SLC35F4: variants seen among roughly 807,000 people sequenced by gnomAD.
SLC35F4 encodes chromosome 14 open reading frame 36.
In SLC35F4, 24 loss-of-function variants were observed where a neutral mutation model predicts 44.2. That is an observed-to-expected ratio of 0.54 (90% CI 0.39 to 0.76). The LOEUF is 0.76. SLC35F4 is among the 30% of genes least tolerant of loss of function. The probability of loss-of-function intolerance (pLI) is 0.00; values close to 1 mark genes in which losing one functional copy is unlikely to be tolerated. For synonymous variants in SLC35F4, 238 were observed against 223.6 expected (o/e 1.06, Z -0.57); for missense variants, 562 against 586.1 (o/e 0.96, Z 0.42).
intron 1 of SLC35F4, among the ~76,000 whole-genome samples, chr14:57,797,405 G>T (rs966907203): frequency 1.3e-5 from 2 of 152,164 alleles, no homozygotes; most frequent in African/African-American, 2.4e-5. Context: ...GGACAGCTGG[G>T]TCAAAAGGGA....
chr14:57,702,638 T>A (rs1236376762), intron 1 of SLC35F4, among the ~76,000 whole-genome samples: 2 of 152,148 alleles, frequency 1.3e-5, no homozygotes, highest in African/African-American at 4.8e-5. Context: ...CAACTCCACC[T>A]CTAATTTAAA....
intron 4 of SLC35F4, among the ~76,000 whole-genome samples, chr14:57,576,586 ACTTT>A (rs1213446741): frequency 1.1e-4 from 16 of 152,144 alleles, no homozygotes; most frequent in Non-Finnish European, 1.9e-4. Context: ...TCTATGGAAA[ACTTT>A]CTTTTTTACT....
intron 1 of SLC35F4, among the ~76,000 whole-genome samples, chr14:57,885,885 T>C (rs1441514437): frequency 6.6e-6 from 1 of 152,230 alleles, no homozygotes. Flanking sequence ...TCCCAGATCA[T>C]GCTGGATATT....
At chr14:57,736,537 GCA>G (rs1354935188) in intron 1 of SLC35F4, among the ~76,000 whole-genome samples, 1 of 152,158 alleles carries the variant, frequency 6.6e-6, no homozygotes, top group African/African-American at 2.4e-5. Flanking sequence ...GTTGCAGTGA[GCA>G]CAGAGTGCTC....
chr14:57,774,987 G>A (rs10131433), intron 1 of SLC35F4, among the ~76,000 whole-genome samples: 43,509 of 152,002 alleles, frequency 0.29, 6,825 homozygotes, highest in Admixed American at 0.4. Context: ...ATCAGACATG[G>A]AGCCTGCCAG....
At chr14:57,868,020 C>T (rs1054901610), upstream of SLC35F4, among the ~76,000 whole-genome samples, 1 of 152,126 alleles carries the variant, frequency 6.6e-6, no homozygotes, top group Admixed American at 6.5e-5. Flanking sequence ...TAAGTCATTA[C>T]CTTCTTCCTG....
intron 1 of SLC35F4, among the ~76,000 whole-genome samples, chr14:57,841,298 G>A (rs1036680337): frequency 1.3e-5 from 2 of 152,170 alleles, no homozygotes; most frequent in African/African-American, 4.8e-5. Context: ...AGGTAGTAGA[G>A]ACCAGGCAAA....
At chr14:57,722,845 G>T (rs1222630479) in intron 1 of SLC35F4, among the ~76,000 whole-genome samples, 1 of 152,138 alleles carries the variant, frequency 6.6e-6, no homozygotes, top group Non-Finnish European at 1.5e-5. Context: ...GAGAATCATG[G>T]ACCCTCAATC....
chr14:57,905,752 CT>C (rs1889093677), intron 1 of SLC35F4, among the ~76,000 whole-genome samples: 1 of 152,024 alleles, frequency 6.6e-6, no homozygotes, highest in African/African-American at 2.4e-5. Context: ...AAGAAAGATG[CT>C]TTTACAAGAT....
In SLC35F4 at chr14:57,668,079, G is replaced by A. The variant is rs2074380221; in HGVS notation, c.104-73955C>T. On this transcript the variant is annotated intron_variant, in intron 1 of 7. Transcript: ENST00000556826. ...TGGTTTTGATTTGCATTTCTCTGAT[G>A]GCCAGTGATGATGAGCATTTTTTCA... Among the ~76,000 whole-genome samples, 6 of 149,950 alleles carry A rather than the reference G, an allele frequency of 4.0e-5. No homozygotes were observed. In the South Asian group the frequency reaches 1.3e-3, roughly 32 times the overall value.
At chr14:57,772,879 G>A (rs1055468446) in intron 1 of SLC35F4, among the ~76,000 whole-genome samples, 1 of 152,118 alleles carries the variant, frequency 6.6e-6, no homozygotes, top group Non-Finnish European at 1.5e-5. Flanking sequence ...ACCAATAGTG[G>A]GATTGCCAGA....
chr14:57,884,982 T>C (rs533558865), intron 1 of SLC35F4, among the ~76,000 whole-genome samples: 146 of 152,290 alleles, frequency 9.6e-4, no homozygotes, highest in African/African-American at 3.3e-3. Flanking sequence ...CATAAAAACA[T>C]GTTTTCTCAA....
intron 1 of SLC35F4, among the ~76,000 whole-genome samples, chr14:57,961,655 C>T (rs895855029): frequency 4.6e-5 from 7 of 152,176 alleles, no homozygotes; most frequent in African/African-American, 1.7e-4. Flanking sequence ...GCCCTACCTC[C>T]CCGGCTTCTT....
At chr14:57,581,667 T>C (rs559954384) in intron 3 of SLC35F4, among the ~76,000 whole-genome samples, 1 of 152,256 alleles carries the variant, frequency 6.6e-6, no homozygotes, top group South Asian at 2.1e-4. Flanking sequence ...TCTGAGATAG[T>C]CTCTGGAGGT....
intron 1 of SLC35F4, among the ~76,000 whole-genome samples, chr14:57,900,489 CCT>C (rs1213836132): frequency 6.6e-6 from 1 of 152,130 alleles, no homozygotes; most frequent in East Asian, 1.9e-4. Flanking sequence ...GGAAAGTGCC[CCT>C]CTCTTTCTAG....
intron 1 of SLC35F4, among the ~76,000 whole-genome samples, chr14:57,644,861 C>A (rs1210166357): frequency 6.6e-6 from 1 of 152,148 alleles, no homozygotes; most frequent in East Asian, 1.9e-4. Flanking sequence ...TTCCCAGCAC[C>A]ATTTATTAAA....
At chr14:57,757,501 C>A (rs1473368392) in intron 1 of SLC35F4, among the ~76,000 whole-genome samples, 1 of 151,500 alleles carries the variant, frequency 6.6e-6, no homozygotes, top group Non-Finnish European at 1.5e-5. Flanking sequence ...ATTTTATTTT[C>A]TTTTTTGGCT....
chr14:57,596,015 CAAT>C (rs1200454427), intron 1 of SLC35F4: 1 of 152,112 alleles, frequency 6.6e-6, no homozygotes, highest in Non-Finnish European at 1.5e-5. Flanking sequence ...CTACAGTCAA[CAAT>C]AATTGATTGT....
intron 1 of SLC35F4, among the ~76,000 whole-genome samples, chr14:57,654,142 C>T (rs998577772): frequency 6.6e-6 from 1 of 152,096 alleles, no homozygotes. Context: ...TTTCATAGTT[C>T]AAGTATTTCA....
Sources: gnomAD v4.1 joint callset for allele counts (sites outside exome capture counted in the v4.1 genomes callset) on GRCh38, gnomAD v4.1.1 for gene constraint, MANE v1.5 for transcripts, NCBI Gene and HGNC (gene_info 2026-07-23, HGNC 2026-07-21) for gene names.